ITSN1: variants seen among roughly 807,000 people sequenced by gnomAD.
ITSN1 encodes the protein intersectin-1.
Under a neutral mutation model 239.8 loss-of-function variants are expected in ITSN1, and 58 were observed. The observed-to-expected ratio is 0.24, with a 90% confidence interval of 0.20 to 0.30. The LOEUF (loss-of-function observed/expected upper bound fraction) is 0.30. ITSN1 is among the 10% of genes least tolerant of loss of function. ITSN1 has a pLI of 1.00. For synonymous variants in ITSN1, 780 were observed against 770.8 expected, an observed-to-expected ratio of 1.01 and a Z score of -0.20; for missense variants, 1,558 against 2,103.3, an observed-to-expected ratio of 0.74 and a Z score of 5.07.
intron 8 of ITSN1, 37 bp downstream of exon 8, chr21:33,755,434 G>T (rs755612571): frequency 1.5e-5 from 17 of 1,106,036 alleles, no homozygotes; most frequent in Non-Finnish European, 2.7e-6. Flanking sequence ...TATGATCTTT[G>T]TTTTCAATGT....
chr21:33,756,773 C>CT lies in ITSN1; in HGVS notation c.724+1386dup, dbSNP rs940478069. ...ACCAGCCTACCTTATGCAGGCTCTG[C>CT]TTTTTTTTTTGAGATGGAGCTTCAC... On this transcript the variant is annotated intron_variant, in intron 8 of 39. Transcript: ENST00000381318. The CT allele has an allele frequency of 3.2e-4, 47 of 148,308 alleles. 1 individual carries two copies. Among genetic ancestry groups the CT allele is most frequent in the East Asian group, 1.2e-3 (6 of 5,078 alleles). 9.2% of individuals were successfully genotyped at this position (148,308 alleles called of 1,614,324 possible).
chr21:33,661,669 G>A (rs573217914), intron 1 of ITSN1, among the ~76,000 whole-genome samples: 5 of 152,216 alleles, frequency 3.3e-5, no homozygotes, highest in Admixed American at 6.5e-5. Flanking sequence ...ATTCCCATGC[G>A]TTATGGGAGG....
chr21:33,841,903 G>A (rs2074835620), intron 29 of ITSN1, among the ~76,000 whole-genome samples: 1 of 151,320 alleles, frequency 6.6e-6, no homozygotes, highest in Non-Finnish European at 1.5e-5. Context: ...GCCTTAATGT[G>A]AATGTTCCGC....
chr21:33,881,406 C>CAAAAA (rs1207634551), intron 34 of ITSN1, among the ~76,000 whole-genome samples: 1 of 75,054 alleles, frequency 1.3e-5, no homozygotes, highest in African/African-American at 4.6e-5. Context: ...GACTCTGTCT[C>CAAAAA]AAAAAAAAAA....
intron 23 of ITSN1, 42 bp downstream of exon 23, chr21:33,818,514 T>C (rs1238941375): frequency 2.0e-6 from 3 of 1,489,062 alleles, no homozygotes; most frequent in Non-Finnish European, 2.8e-6. Context: ...GAAAACAATA[T>C]TAGGCGTTAT....
intron 19 of ITSN1, 106 bp downstream of exon 19, chr21:33,800,035 C>A: frequency 9.0e-7 from 1 of 1,113,966 alleles, no homozygotes; most frequent in Non-Finnish European, 1.2e-6. Flanking sequence ...GTATGAAACC[C>A]AATAATCCAG....
intron 1 of ITSN1, among the ~76,000 whole-genome samples, chr21:33,710,082 T>G (rs1307716010): frequency 7.4e-6 from 1 of 136,022 alleles, no homozygotes; most frequent in Non-Finnish European, 1.6e-5. Context: ...TTTTTTTTTG[T>G]TTTTTTTTTT....
At chr21:33,647,522 G>A (rs990651528) in intron 1 of ITSN1, among the ~76,000 whole-genome samples, 1 of 151,792 alleles carries the variant, frequency 6.6e-6, no homozygotes, top group Non-Finnish European at 1.5e-5. Flanking sequence ...TTCAGACGGA[G>A]TCTCAGTCTG....
intron 1 of ITSN1, among the ~76,000 whole-genome samples, chr21:33,647,383 CTTTTT>C (rs548933207): frequency 6.6e-6 from 1 of 150,566 alleles, no homozygotes; most frequent in African/African-American, 2.4e-5. Context: ...TTGTAACCTG[CTTTTT>C]TTTTGCTTAA....
chr21:33,876,187 TTC>T (rs1400726256), intron 34 of ITSN1, among the ~76,000 whole-genome samples: 3 of 143,758 alleles, frequency 2.1e-5, no homozygotes, highest in East Asian at 4.1e-4. Context: ...CCTTCCTTCC[TTC>T]TCTCTTTCTC....
chr21:33,877,823 TTTTGTG>T lies in ITSN1; in HGVS notation c.4341+2304_4341+2309del, dbSNP rs1984194907. 3.0e-5 allele frequency among the ~76,000 whole-genome samples: 4 copies of T among 132,598 alleles called. No individual in the cohort carries two copies. In the Admixed American group the frequency reaches 3.1e-4, roughly 10 times the overall value. 87.0% of individuals were successfully genotyped at this position (132,598 alleles called of 152,430 possible). A position where few individuals can be genotyped will look rare whatever the true frequency, so the allele number is the denominator to read the frequency against. On this transcript the variant is annotated intron_variant, in intron 34 of 39. Coordinates refer to ENST00000381318, the MANE Select transcript of ITSN1 (RefSeq NM_003024.3). Reference sequence around the variant, plus strand: ...CTGCAAATTTCTTACTTTGTTTCTATTTTGTGTGTGTGTGTGTGTGTGTGTGTGTGT... The same window carrying T: ...CTGCAAATTTCTTACTTTGTTTCTATTGTGTGTGTGTGTGTGTGTGTGTGT...
chr21:33,819,451 G>A (rs1054745715), intron 24 of ITSN1, 128 bp downstream of exon 24: 54 of 580,332 alleles, frequency 9.3e-5, no homozygotes, highest in African/African-American at 5.7e-4. Context: ...ACAGTAAAAT[G>A]TAAGTTTAGC....
intron 1 of ITSN1, among the ~76,000 whole-genome samples, chr21:33,655,470 G>A (rs1258977498): frequency 3.3e-5 from 5 of 151,962 alleles, no homozygotes; most frequent in Non-Finnish European, 1.5e-5. Context: ...CCAGGCTGGA[G>A]TGTGCAGCGG....
intron 2 of ITSN1, 152 bp from the exon 3 acceptor site, chr21:33,721,026 T>C: frequency 1.8e-6 from 1 of 550,314 alleles, no homozygotes; most frequent in Non-Finnish European, 3.3e-6. Context: ...TCTAACTTTA[T>C]ATGCATAACT....
intron 29 of ITSN1, among the ~76,000 whole-genome samples, chr21:33,839,979 G>C (rs576433774): frequency 5.3e-5 from 8 of 152,166 alleles, no homozygotes; most frequent in African/African-American, 1.9e-4. Flanking sequence ...GTTGAGAAGC[G>C]CAGGTCTCAC....
At chr21:33,773,594 A>G (rs1456658713) in intron 12 of ITSN1, among the ~76,000 whole-genome samples, 1 of 152,180 alleles carries the variant, frequency 6.6e-6, no homozygotes, top group African/African-American at 2.4e-5. Context: ...ACTTGAGGCC[A>G]GTAGTTGGAG....
chr21:33,812,839 C>T (rs957888638), intron 21 of ITSN1, among the ~76,000 whole-genome samples: 2 of 152,156 alleles, frequency 1.3e-5, no homozygotes, highest in African/African-American at 2.4e-5. Context: ...CTAGAACTGT[C>T]CCTGGGACCC....
chr21:33,880,316 C>A (rs571920905), intron 34 of ITSN1, among the ~76,000 whole-genome samples: 1 of 152,168 alleles, frequency 6.6e-6, no homozygotes, highest in Middle Eastern at 3.2e-3. Flanking sequence ...TATGAATGAA[C>A]GAGAGCACCT....
intron 7 of ITSN1, among the ~76,000 whole-genome samples, chr21:33,752,604 G>T (rs1471536502): frequency 2.6e-5 from 4 of 152,022 alleles, no homozygotes; most frequent in Admixed American, 2.0e-4. Context: ...AGAACTTTTG[G>T]GCCGGGTGTG....
Sources: gnomAD v4.1 joint callset for allele counts (sites outside exome capture counted in the v4.1 genomes callset) on GRCh38, gnomAD v4.1.1 for gene constraint, MANE v1.5 for transcripts, NCBI Gene and HGNC (gene_info 2026-07-23, HGNC 2026-07-21) for gene names.